The following ASAH2 variants were observed in gnomAD, a reference collection of about 807,000 sequenced individuals.
ASAH2 encodes N-acylsphingosine amidohydrolase 2, also known as neutral ceramidase.
A neutral mutation model predicts 82.9 loss-of-function variants in ASAH2; 58 were observed. The observed-to-expected ratio is 0.70, with a 90% CI of 0.57 to 0.87. The LOEUF is 0.87. Among genes scored for constraint, ASAH2 ranks in the 40% least tolerant of loss-of-function variants. The pLI is 0.00. For synonymous variants in ASAH2, 276 were observed against 289.7 expected, an observed-to-expected ratio of 0.95 and a Z score of 0.48; for missense variants, 779 against 834.0, an observed-to-expected ratio of 0.93 and a Z score of 0.81.
intron 8 of ASAH2, among the ~76,000 whole-genome samples, chr10:50,217,208 C>G (rs1177130224): frequency 1.3e-5 from 2 of 150,646 alleles, no homozygotes; most frequent in African/African-American, 4.9e-5. Flanking sequence ...TTTGCACATC[C>G]TAGTTCCTCT....
chr10:50,218,661 C>T, intron 7 of ASAH2, 31 bp from the exon 8 acceptor site: 2 of 1,613,576 alleles, frequency 1.2e-6, no homozygotes, highest in Non-Finnish European at 8.5e-7. Flanking sequence ...CTAAATTAAT[C>T]AGGAGAACGA....
chr10:50,214,610 A>T, intron 9 of ASAH2, 133 bp downstream of exon 9: 2 of 1,098,132 alleles, frequency 1.8e-6, no homozygotes, highest in Non-Finnish European at 2.7e-6. Context: ...TGCTTTTGAG[A>T]AGAGCAGATG....
At chr10:50,237,911 C>A (rs1293859525) in intron 4 of ASAH2, among the ~76,000 whole-genome samples, 2 of 151,984 alleles carry the variant, frequency 1.3e-5, no homozygotes, top group Non-Finnish European at 2.9e-5. Flanking sequence ...ATCTCATGTA[C>A]CCCATAACTA....
At chr10:50,228,241 A>G (rs1845939292) in intron 7 of ASAH2, among the ~76,000 whole-genome samples, 2 of 152,208 alleles carry the variant, frequency 1.3e-5, no homozygotes, top group Admixed American at 1.3e-4. Context: ...ATGATAGAGA[A>G]GGCATTTAGG....
chr10:50,195,026 A>G (rs1844938155), intron 18 of ASAH2, among the ~76,000 whole-genome samples: 1 of 151,516 alleles, frequency 6.6e-6, no homozygotes, highest in South Asian at 2.1e-4. Flanking sequence ...AAAAGCAACA[A>G]AAGCAAAAAC....
intron 7 of ASAH2, among the ~76,000 whole-genome samples, chr10:50,231,721 C>T (rs1846026250): frequency 6.6e-6 from 1 of 152,096 alleles, no homozygotes; most frequent in Admixed American, 6.6e-5. Flanking sequence ...TATGTCAGCC[C>T]ATATACCAAA....
chr10:50,218,859 GACT>G (rs1845675686), intron 7 of ASAH2, among the ~76,000 whole-genome samples: 1 of 152,120 alleles, frequency 6.6e-6, no homozygotes, highest in Non-Finnish European at 1.5e-5. Context: ...CCATTTTCAT[GACT>G]ATTTCATCAT....
intron 4 of ASAH2, among the ~76,000 whole-genome samples, chr10:50,239,821 A>G (rs1333499863): frequency 3.2e-5 from 4 of 124,774 alleles, no homozygotes; most frequent in Admixed American, 1.8e-4. Context: ...TCCAAATCTC[A>G]CATTTAATTT....
At chr10:50,196,583 ATT>A (rs1489468286) in intron 18 of ASAH2, among the ~76,000 whole-genome samples, 188 bp downstream of exon 18, 1 of 147,144 alleles carries the variant, frequency 6.8e-6, no homozygotes, top group East Asian at 1.9e-4. Flanking sequence ...TAGAATTTCA[ATT>A]TGACACAATT....
intron 4 of ASAH2, 24 bp from the exon 5 acceptor site, chr10:50,236,088 C>T: frequency 1.2e-6 from 2 of 1,606,094 alleles, no homozygotes; most frequent in South Asian, 2.2e-5. Flanking sequence ...AGTAATTGAA[C>T]TAAGAAGAGG....
At chr10:50,240,359 T>C (rs2133229846) in intron 4 of ASAH2, among the ~76,000 whole-genome samples, 2 of 152,314 alleles carry the variant, frequency 1.3e-5, no homozygotes, top group South Asian at 4.1e-4. Flanking sequence ...AGTATGATGA[T>C]TACTGTTTTC....
intron 7 of ASAH2, among the ~76,000 whole-genome samples, chr10:50,221,674 T>C (rs1306189825): frequency 2.1e-5 from 3 of 140,544 alleles, no homozygotes; most frequent in African/African-American, 5.3e-5. Flanking sequence ...GATAGATAGA[T>C]GATAGATAGA....
chr10:50,244,088 C>T (rs1456934072), intron 3 of ASAH2, among the ~76,000 whole-genome samples: 3 of 152,158 alleles, frequency 2.0e-5, no homozygotes, highest in Non-Finnish European at 4.4e-5. Context: ...GGGCTGTCTG[C>T]AAAGAAGCAG....
intron 7 of ASAH2, among the ~76,000 whole-genome samples, chr10:50,231,512 T>G (rs984897916): frequency 2.0e-5 from 3 of 152,240 alleles, no homozygotes; most frequent in Admixed American, 1.3e-4. Context: ...TGGTTACTTG[T>G]CTATATATTT....
At chr10:50,215,844 A>C (rs1473184565) in intron 8 of ASAH2, among the ~76,000 whole-genome samples, 1 of 152,158 alleles carries the variant, frequency 6.6e-6, no homozygotes, top group Non-Finnish European at 1.5e-5. Flanking sequence ...TCATTCTACT[A>C]TAAAGACACA....
chr10:50,231,043 G>GAAA (rs1367246294), intron 7 of ASAH2, among the ~76,000 whole-genome samples: 1 of 96,288 alleles, frequency 1.0e-5, no homozygotes, highest in Non-Finnish European at 2.2e-5. Context: ...CTTGTCTCAG[G>GAAA]AAAAAAAAAA....
At chr10:50,232,272 T>A (rs1268216760) in intron 7 of ASAH2, among the ~76,000 whole-genome samples, 1 of 152,164 alleles carries the variant, frequency 6.6e-6, no homozygotes, top group Non-Finnish European at 1.5e-5. Flanking sequence ...ATCTTTCTAA[T>A]CATTATTATC....
intron 4 of ASAH2, among the ~76,000 whole-genome samples, chr10:50,241,646 C>T (rs1846298639): frequency 6.6e-6 from 1 of 152,140 alleles, no homozygotes; most frequent in Admixed American, 6.5e-5. Flanking sequence ...ACCCAAATGT[C>T]CATCCATGAT....
At chr10:50,220,507 T>C (rs1845713650) in intron 7 of ASAH2, among the ~76,000 whole-genome samples, 1 of 2,268 alleles carries the variant, frequency 4.4e-4, no homozygotes, top group African/African-American at 4.9e-4. Flanking sequence ...GCTCCATTTG[T>C]TACTCTTAGC....
Sources: allele counts gnomAD v4.1 joint callset (sites outside exome capture counted in the v4.1 genomes callset), GRCh38; gene constraint gnomAD v4.1.1; transcripts MANE v1.5; gene names NCBI Gene and HGNC (gene_info 2026-07-23, HGNC 2026-07-21).